The following CAPZB variants were observed in gnomAD, a reference collection of about 807,000 sequenced individuals.
CAPZB encodes the protein capping actin protein of muscle Z-line subunit beta.
Under a neutral mutation model 38.1 loss-of-function variants are expected in CAPZB, and 2 were observed. The observed-to-expected ratio is 0.05, with a 90% CI of 0.02 to 0.17. The LOEUF (loss-of-function observed/expected upper bound fraction) is 0.17, where lower values mean the gene tolerates loss of function less well. CAPZB is among the 10% of genes least tolerant of loss of function. The probability of loss-of-function intolerance (pLI) is 1.00; values close to 1 mark genes in which losing one functional copy is unlikely to be tolerated. For missense variants in CAPZB, 161 were observed against 334.2 expected, an observed-to-expected ratio of 0.48 and a Z score of 4.04; for synonymous variants, 107 against 127.4, an observed-to-expected ratio of 0.84 and a Z score of 1.08.
At chr1:19,484,317 C>T (rs759981186) in intron 1 of CAPZB, 32 of 1,556,426 alleles carry the variant, frequency 2.1e-5, no homozygotes, top group Non-Finnish European at 2.8e-5. Context: ...GGCCTGGTGG[C>T]CCCCCAAGGC....
At chr1:19,450,474 T>C (rs957428238) in intron 1 of CAPZB, among the ~76,000 whole-genome samples, 1 of 152,088 alleles carries the variant, frequency 6.6e-6, no homozygotes. Context: ...CCTGTAAGAG[T>C]GTGTCAGGCA....
At chr1:19,476,175 GATAGA>G (rs1558296406) in intron 1 of CAPZB, among the ~76,000 whole-genome samples, 25 of 19,976 alleles carry the variant, frequency 1.3e-3, no homozygotes, top group African/African-American at 5.1e-3. Context: ...TAAGTAGATA[GATAGA>G]TAGATAGATA....
intron 1 of CAPZB, among the ~76,000 whole-genome samples, chr1:19,435,648 A>G (rs980897879): frequency 6.6e-6 from 1 of 152,222 alleles, no homozygotes; most frequent in African/African-American, 2.4e-5. Flanking sequence ...CTTAAAAATG[A>G]ACCAAGGAGT....
In CAPZB at chr1:19,405,541, CAA is replaced by C. The variant is rs10577923; in HGVS notation, c.93+14118_93+14119del. 1.2e-3 allele frequency among the ~76,000 whole-genome samples: 115 copies of C among 96,488 alleles called. 1 individual carries two copies. The highest frequency in any genetic ancestry group is 3.6e-3 in the African/African-American group (81 of 22,400). The allele number at this position is 96,488 out of a possible 152,430, so 63.3% of individuals were successfully genotyped here. On this transcript the variant is annotated intron_variant, in intron 2 of 8. Coordinates refer to ENST00000264202, the MANE Select transcript of CAPZB (RefSeq NM_004930.5). ...TGTTCAACACATAGCTAGAAAGAGG[CAA>C]AAAAAAAAAAAAAAAAAAAAAATCC...
chr1:19,374,552 C>T (rs2094135360), intron 4 of CAPZB: 1 of 152,332 alleles, frequency 6.6e-6, no homozygotes. Flanking sequence ...AGTGTGTGGT[C>T]TGAAAGTGGC....
rs574785487 is a variant in CAPZB at position 19,461,653 on chromosome 1, A to G, written c.3+23783T>C. On this transcript the variant is annotated intron_variant, in intron 1 of 8. Coordinates refer to ENST00000264202, the MANE Select transcript of CAPZB (RefSeq NM_004930.5). ...AAACCTGATGGAACTTTTACTTAAAATAAGAGTTTTAAGTGTTTATGGAAA... is the reference window on the plus strand; with the variant it reads ...AAACCTGATGGAACTTTTACTTAAAGTAAGAGTTTTAAGTGTTTATGGAAA... Among the ~76,000 whole-genome samples, 9 of 152,394 alleles carry G rather than the reference A, an allele frequency of 5.9e-5. No individual in the cohort carries two copies. In the South Asian group the frequency reaches 1.9e-3, roughly 32 times the overall value.
intron 1 of CAPZB, among the ~76,000 whole-genome samples, chr1:19,479,471 C>A (rs2094619795): frequency 6.6e-6 from 1 of 152,168 alleles, no homozygotes; most frequent in African/African-American, 2.4e-5. Flanking sequence ...TTTAGACTGA[C>A]CTGAAATAGC....
rs569876836 is a variant in CAPZB at position 19,453,094 on chromosome 1, C to T, written c.3+32342G>A. 8.0e-5 allele frequency among the ~76,000 whole-genome samples: 12 copies of T among 150,850 alleles called. No individual in the cohort carries two copies. The East Asian group carries it at 1.0e-3, about 13-fold the overall frequency. ...CACTGGGATTAGAGGCGTGAGCCAC[C>T]GTGCCTGGCTGGCAGTCAGAATAAT... On this transcript the variant is annotated intron_variant, in intron 1 of 8. Transcript: ENST00000264202.
At chr1:19,453,883 C>T (rs1357258126) in intron 1 of CAPZB, among the ~76,000 whole-genome samples, 1 of 151,404 alleles carries the variant, frequency 6.6e-6, no homozygotes, top group Admixed American at 6.6e-5. Context: ...ATTAACTCAT[C>T]CCCTGGTAGA....
At chr1:19,387,652 T>C (rs1193881777) in intron 2 of CAPZB, among the ~76,000 whole-genome samples, 1 of 152,246 alleles carries the variant, frequency 6.6e-6, no homozygotes, top group Non-Finnish European at 1.5e-5. Flanking sequence ...CAGTAGAGAC[T>C]GAGCAAACAG....
At chr1:19,424,960 A>T (rs1198324663) in intron 1 of CAPZB, among the ~76,000 whole-genome samples, 1 of 152,242 alleles carries the variant, frequency 6.6e-6, no homozygotes, top group Non-Finnish European at 1.5e-5. Flanking sequence ...CCAATTGTCC[A>T]TAAAACAGCA....
chr1:19,384,669 T>A (rs2100455621), intron 3 of CAPZB, among the ~76,000 whole-genome samples: 1 of 152,320 alleles, frequency 6.6e-6, no homozygotes, highest in South Asian at 2.1e-4. Flanking sequence ...AAGACAACCC[T>A]GGTTCTGTGG....
At chr1:19,416,101 A>G (rs2094378018) in intron 2 of CAPZB, among the ~76,000 whole-genome samples, 1 of 152,264 alleles carries the variant, frequency 6.6e-6, no homozygotes, top group South Asian at 2.1e-4. Flanking sequence ...AGTGGAGGAA[A>G]GAGAACCACT....
rs577448352 is a variant in CAPZB at position 19,443,266 on chromosome 1, C to T, written c.4-23516G>A. 4.0e-4 allele frequency among the ~76,000 whole-genome samples: 61 copies of T among 151,762 alleles called. 2 individuals carry two copies. The South Asian group carries it at 0.011, about 28-fold the overall frequency. On this transcript the variant is annotated intron_variant, in intron 1 of 8. Transcript: ENST00000264202. ...AAAAAATTAGCCAGGCATGGTAGCGCGTGCCTGTAGTCCCAGCTACTCGGG... is the reference window on the plus strand; with the variant it reads ...AAAAAATTAGCCAGGCATGGTAGCGTGTGCCTGTAGTCCCAGCTACTCGGG...
intron 1 of CAPZB, among the ~76,000 whole-genome samples, chr1:19,422,900 A>T (rs2094407146): frequency 6.6e-6 from 1 of 152,246 alleles, no homozygotes; most frequent in South Asian, 2.1e-4. Context: ...GACAGAACAC[A>T]GAAGGGATTA....
intron 1 of CAPZB, among the ~76,000 whole-genome samples, chr1:19,460,809 C>T (rs750743098): frequency 6.6e-6 from 1 of 152,014 alleles, no homozygotes; most frequent in South Asian, 2.1e-4. Context: ...TTAAGAGCAA[C>T]AGGCAGCCAG....
chr1:19,398,981 C>T (rs1338258498), intron 2 of CAPZB, among the ~76,000 whole-genome samples: 1 of 151,876 alleles, frequency 6.6e-6, no homozygotes, highest in African/African-American at 2.4e-5. Flanking sequence ...CTCAGCCTCC[C>T]GAGTAGCTGG....
intron 1 of CAPZB, among the ~76,000 whole-genome samples, chr1:19,474,225 G>A (rs772212817): frequency 1.3e-4 from 20 of 152,070 alleles, no homozygotes; most frequent in Non-Finnish European, 2.4e-4. Context: ...CGAACTCCTG[G>A]CTCAAGCAAT....
chr1:19,445,071 C>G (rs545978387), intron 1 of CAPZB, among the ~76,000 whole-genome samples: 3 of 152,106 alleles, frequency 2.0e-5, no homozygotes, highest in African/African-American at 7.2e-5. Context: ...CCCACGAGAT[C>G]TTTGACACAA....
Sources: allele counts gnomAD v4.1 joint callset (sites outside exome capture counted in the v4.1 genomes callset), GRCh38; gene constraint gnomAD v4.1.1; transcripts MANE v1.5; gene names NCBI Gene and HGNC (gene_info 2026-07-23, HGNC 2026-07-21).